Variants in ITIH2 observed in about 807,000 individuals in gnomAD.
ITIH2 encodes the protein inter-alpha-trypsin inhibitor heavy chain 2.
A neutral mutation model predicts 104.4 loss-of-function variants in ITIH2; 103 were observed. The ratio of observed to expected loss-of-function variants is 0.99; its 90% CI spans 0.84 to 1.16. The LOEUF is 1.16. ITIH2 is among the 50% of genes most tolerant of loss of function. ITIH2 has a pLI of 0.00. For synonymous variants in ITIH2, 436 were observed against 435.4 expected, an observed-to-expected ratio of 1.00 and a Z score of -0.02; for missense variants, 1,108 against 1,162.4, an observed-to-expected ratio of 0.95 and a Z score of 0.68.
chr10:7,749,366 A>G lies in ITIH2; in HGVS notation c.*32A>G. On this transcript the variant is annotated 3_prime_UTR_variant, in exon 21 of 21. Coordinates refer to ENST00000358415, the MANE Select transcript of ITIH2 (RefSeq NM_002216.3). ...ATAGTTTGGGAAATTATATATATTA[A>G]TATACATCTTTCCCCTGTCACTTTT... 6.4e-7 allele frequency: 1 copy of G among 1,552,710 alleles called. No individual in the cohort carries two copies. The highest frequency in any genetic ancestry group is 2.3e-5 in the East Asian group (1 of 44,372).
chr10:7,744,745 AG>A (rs751418166), intron 18 of ITIH2, 45 bp from the exon 19 acceptor site: 2 of 1,535,134 alleles, frequency 1.3e-6, no homozygotes, highest in Non-Finnish European at 1.8e-6. Context: ...CTTTCTCAAA[AG>A]GTCTGTTCTG....
intron 16 of ITIH2, among the ~76,000 whole-genome samples, chr10:7,741,588 G>T (rs1835125301): frequency 6.6e-6 from 1 of 152,114 alleles, no homozygotes; most frequent in South Asian, 2.1e-4. Context: ...GAACATTTCT[G>T]GCCTGAGTGA....
rs750880202 is a variant in ITIH2 at position 7,744,220 on chromosome 10, G to A, written c.2348G>A (p.Ser783Asn). 1 of 1,614,122 alleles carries A rather than the reference G, an allele frequency of 6.2e-7. No homozygotes were observed. Among genetic ancestry groups the A allele is most frequent in the South Asian group, 1.1e-5 (1 of 91,080 alleles). Residue 783 changes from serine to asparagine, a missense_variant, in exon 18 of 21, where the codon AGC becomes AAC. Physicochemically the swap from Ser to Asn is conservative, Grantham distance 46. Coordinates refer to ENST00000358415, the MANE Select transcript of ITIH2 (RefSeq NM_002216.3). Reference protein sequence around the residue: ...IEISTETITLSHGSSTFSLSW... With the variant: ...IEISTETITLNHGSSTFSLSW... ...ATCAGCACTGAGACCATCACCCTGA[G>A]CCATGGTTCTAGCACATTCTCCTTG...
At chr10:7,719,760 C>CAAAAAAAAAAAAAAAAAAAAAAAAAAA (rs71385664) in intron 6 of ITIH2, among the ~76,000 whole-genome samples, 2 of 41,708 alleles carry the variant, frequency 4.8e-5, no homozygotes, top group East Asian at 7.7e-4. Context: ...GACCCTGTCT[C>CAAAAAAAAAAAAAAAAAAAAAAAAAAA]AAAAAAAAAA....
chr10:7,722,589 A>G (rs1246078782), intron 8 of ITIH2, among the ~76,000 whole-genome samples: 1 of 152,134 alleles, frequency 6.6e-6, no homozygotes, highest in East Asian at 1.9e-4. Context: ...CCACATATGG[A>G]GCCCCAAATA....
intron 8 of ITIH2, among the ~76,000 whole-genome samples, chr10:7,723,008 G>A (rs1346051646): frequency 7.0e-6 from 1 of 141,858 alleles, no homozygotes; most frequent in African/African-American, 2.6e-5. Context: ...CGTGAAGTCG[G>A]GTGGAGTGGA....
At chr10:7,713,818 C>T (rs188120781) in intron 5 of ITIH2, among the ~76,000 whole-genome samples, 1 of 152,100 alleles carries the variant, frequency 6.6e-6, no homozygotes, top group Admixed American at 6.5e-5. Flanking sequence ...AGCGGGAATG[C>T]CTCAGCCTCC....
chr10:7,732,821 G>A (rs755019134), intron 14 of ITIH2, among the ~76,000 whole-genome samples: 13 of 151,894 alleles, frequency 8.6e-5, no homozygotes, highest in Admixed American at 2.0e-4. Flanking sequence ...TCCGCCTCCC[G>A]GGTTCACACC....
In ITIH2 at chr10:7,744,378, A is replaced by AT; in HGVS notation, c.2408+102dup. On this transcript the variant is annotated intron_variant, in intron 18 of 20. Transcript: ENST00000358415. ...ACATCAACATTGAAAAAAAATCATC[A>AT]TTTTAAATATAAGGAAGTTGAGGTT... The AT allele has an allele frequency of 4.7e-6, 5 of 1,055,168 alleles. No homozygotes were observed. In the South Asian group the frequency reaches 7.4e-5, roughly 16 times the overall value. 65.4% of individuals were successfully genotyped at this position (1,055,168 alleles called of 1,614,324 possible).
In ITIH2 at chr10:7,715,564, C is replaced by T. The variant is rs1008059192; in HGVS notation, c.468-2062C>T. On this transcript the variant is annotated intron_variant, in intron 5 of 20. Transcript: ENST00000358415. ...AGATACGGCAGGGAACGCAGAGCTC[C>T]CATCCTAGTGCACCCTCAGGTAAAC... 4.6e-5 allele frequency among the ~76,000 whole-genome samples: 7 copies of T among 152,140 alleles called. 1 individual carries two copies. The highest frequency in any genetic ancestry group is 1.7e-4 in the African/African-American group (7 of 41,426).
In ITIH2 at chr10:7,744,821, G is replaced by C. The variant is rs187159550; in HGVS notation, c.2439G>C (p.Val813=). The C allele has an allele frequency of 8.7e-6, 14 of 1,613,012 alleles. No individual in the cohort carries two copies. In the East Asian group the frequency reaches 2.2e-4, roughly 26 times the overall value. ...RVQISVKKEK[V]VTITLDKEMS... ...AGATCTCAGTGAAGAAAGAAAAAGT[G>C]GTAACTATCACCCTGGATAAAGAGA... Residue 813 remains valine (V), a synonymous_variant, in exon 19 of 21, where the codon GTG becomes GTC. Coordinates refer to ENST00000358415, the MANE Select transcript of ITIH2 (RefSeq NM_002216.3).
At chr10:7,737,630 T>C (rs1206022581) in intron 15 of ITIH2, among the ~76,000 whole-genome samples, 1 of 108,068 alleles carries the variant, frequency 9.3e-6, no homozygotes, top group Admixed American at 1.0e-4. Flanking sequence ...TATTATATTC[T>C]ATATTCTATA....
chr10:7,731,108 A>G (rs1834997985), intron 12 of ITIH2, among the ~76,000 whole-genome samples: 1 of 151,994 alleles, frequency 6.6e-6, no homozygotes, highest in South Asian at 2.1e-4. Flanking sequence ...TAGAAGAGAC[A>G]GGGTTTACCA....
intron 9 of ITIH2, among the ~76,000 whole-genome samples, chr10:7,726,245 G>A (rs1256678663): frequency 6.6e-6 from 1 of 152,150 alleles, no homozygotes; most frequent in Non-Finnish European, 1.5e-5. Context: ...ATGCACATGA[G>A]GTTTGTAGAA....
intron 9 of ITIH2, among the ~76,000 whole-genome samples, chr10:7,724,675 A>G (rs890898526): frequency 2.6e-5 from 4 of 151,562 alleles, no homozygotes; most frequent in African/African-American, 9.7e-5. Context: ...ACTCCCAGGC[A>G]GGGTTTCTCA....
chr10:7,720,729 G>A (rs1040170957), intron 6 of ITIH2, 127 bp from the exon 7 acceptor site: 11 of 602,728 alleles, frequency 1.8e-5, no homozygotes, highest in Admixed American at 2.5e-5. Flanking sequence ...AGGAGAGATC[G>A]TGGAGTCGTG....
intron 17 of ITIH2, 121 bp from the exon 18 acceptor site, chr10:7,743,961 T>C (rs1359857544): frequency 3.4e-6 from 2 of 591,778 alleles, no homozygotes; most frequent in African/African-American, 1.9e-5. Flanking sequence ...AATGTAAATC[T>C]TGAAGCAAAA....
chr10:7,714,223 GT>G (rs1231634884), intron 5 of ITIH2, among the ~76,000 whole-genome samples: 5 of 141,232 alleles, frequency 3.5e-5, no homozygotes, highest in Non-Finnish European at 7.5e-5. Context: ...CCAGGCTGGA[GT>G]GCAGTGGTGC....
At position 7,727,118 on chromosome 10, in the gene ITIH2, GGTGA is replaced by G; in HGVS notation, c.1153+4_1153+7del. On this transcript the variant is annotated splice_donor_variant and splice_donor_region_variant and intron_variant, in intron 10 of 20. Transcript: ENST00000358415. LOFTEE classifies it high-confidence loss of function. The stretch of plus-strand genomic sequence containing the variant: ...TATTGAGAAAATCCAGCCCAGTGGA[GGTGA>G]GTGTGTTGGGCTAAATCCCAAGGAG... 1 of 1,612,382 alleles carries G rather than the reference GGTGA, an allele frequency of 6.2e-7. No homozygotes were observed. Among genetic ancestry groups the G allele is most frequent in the Non-Finnish European group, 8.5e-7 (1 of 1,178,960 alleles).
Sources: gnomAD v4.1 joint callset for allele counts (sites outside exome capture counted in the v4.1 genomes callset) on GRCh38, gnomAD v4.1.1 for gene constraint, MANE v1.5 for transcripts, NCBI Gene and HGNC (gene_info 2026-07-23, HGNC 2026-07-21) for gene names.